The following CAMK1D variants were observed in gnomAD, a reference collection of about 807,000 sequenced individuals.
The protein encoded by CAMK1D is calcium/calmodulin-dependent protein kinase type 1D.
Under a neutral mutation model 47.7 loss-of-function variants are expected in CAMK1D, and 9 were observed. The observed-to-expected ratio is 0.19, with a 90% CI of 0.11 to 0.33. The LOEUF (loss-of-function observed/expected upper bound fraction) is 0.33. Ranked by LOEUF, CAMK1D falls within the 10% of genes least tolerant of loss-of-function variation. CAMK1D has a pLI of 1.00. For synonymous variants in CAMK1D, 184 were observed against 184.9 expected, an observed-to-expected ratio of 0.99 and a Z score of 0.04; for missense variants, 291 against 488.7, an observed-to-expected ratio of 0.60 and a Z score of 3.81.
At chr10:12,767,473 A>G (rs1410850702) in intron 4 of CAMK1D, among the ~76,000 whole-genome samples, 1 of 152,000 alleles carries the variant, frequency 6.6e-6, no homozygotes, top group African/African-American at 2.4e-5. Flanking sequence ...CACTGCGCCT[A>G]ACCAGGTCTC....
intron 8 of CAMK1D, among the ~76,000 whole-genome samples, chr10:12,816,951 G>T (rs1439805707): frequency 6.6e-6 from 1 of 151,118 alleles, no homozygotes; most frequent in Non-Finnish European, 1.5e-5. Context: ...TGGACTCACA[G>T]TTCCACGTGG....
At chr10:12,593,466 T>G (rs566788537) in intron 2 of CAMK1D, among the ~76,000 whole-genome samples, 1 of 152,254 alleles carries the variant, frequency 6.6e-6, no homozygotes, top group East Asian at 1.9e-4. Context: ...GGTGGGCACC[T>G]GTAATCCCAG....
At chr10:12,470,520 CT>C (rs11422931) in intron 1 of CAMK1D, among the ~76,000 whole-genome samples, 3 of 149,020 alleles carry the variant, frequency 2.0e-5, no homozygotes, top group East Asian at 2.0e-4. Context: ...TTTTCTTCTT[CT>C]TTTTTTTTTC....
rs1833722133 is a variant in CAMK1D, at chr10:12,470,790, T to A, written c.93-82435T>A. Reference sequence around the variant, plus strand: ...CCTCCGGCTCCCAAAGTGCTGAGATTACAGGCGTGAGCCACCTTGCCCGGT... The same window carrying A: ...CCTCCGGCTCCCAAAGTGCTGAGATAACAGGCGTGAGCCACCTTGCCCGGT... On this transcript the variant is annotated intron_variant, in intron 1 of 10. Coordinates refer to ENST00000619168, the MANE Select transcript of CAMK1D (RefSeq NM_153498.4). Among the ~76,000 whole-genome samples the A allele has an allele frequency of 2.0e-5, 3 of 152,222 alleles. No homozygotes were observed. In the South Asian group the frequency reaches 6.2e-4, roughly 32 times the overall value.
At chr10:12,636,813 A>G (rs1334193413) in intron 2 of CAMK1D, among the ~76,000 whole-genome samples, 2 of 152,108 alleles carry the variant, frequency 1.3e-5, no homozygotes, top group Non-Finnish European at 2.9e-5. Context: ...GCCTTCTGTC[A>G]GTAACTGTTT....
intron 2 of CAMK1D, among the ~76,000 whole-genome samples, chr10:12,614,875 C>T (rs867683496): frequency 1.9e-4 from 29 of 152,234 alleles, no homozygotes; most frequent in South Asian, 4.2e-4. Context: ...TAGAAACTGC[C>T]GACATGGAGT....
chr10:12,379,371 C>T (rs531678220), intron 1 of CAMK1D, among the ~76,000 whole-genome samples: 2 of 152,146 alleles, frequency 1.3e-5, no homozygotes, highest in Admixed American at 1.3e-4. Flanking sequence ...TATTTAGGGT[C>T]GTGATGAGGT....
chr10:12,729,915 T>A (rs1248518026), intron 3 of CAMK1D, among the ~76,000 whole-genome samples: 5 of 144,584 alleles, frequency 3.5e-5, no homozygotes, highest in African/African-American at 1.3e-4. Context: ...GGGGTTGAGA[T>A]GTAACAGGAG....
intron 3 of CAMK1D, among the ~76,000 whole-genome samples, chr10:12,667,238 G>A (rs1208632329): frequency 1.3e-5 from 2 of 152,222 alleles, no homozygotes; most frequent in East Asian, 3.8e-4. Context: ...TGGTAACTGT[G>A]TATACCCGTT....
chr10:12,482,681 A>G (rs913932044), intron 1 of CAMK1D, among the ~76,000 whole-genome samples: 8 of 152,148 alleles, frequency 5.3e-5, no homozygotes, highest in Admixed American at 1.3e-4. Context: ...CTACTGGGCC[A>G]GCTTGATGAA....
intron 3 of CAMK1D, among the ~76,000 whole-genome samples, chr10:12,688,424 C>T (rs1832740929): frequency 6.6e-6 from 1 of 151,968 alleles, no homozygotes; most frequent in Admixed American, 6.5e-5. Context: ...TCTCTTTAGC[C>T]TCTGGAAAAA....
At chr10:12,381,633 A>C (rs568590092) in intron 1 of CAMK1D, among the ~76,000 whole-genome samples, 62 of 152,154 alleles carry the variant, frequency 4.1e-4, no homozygotes, top group African/African-American at 1.4e-3. Context: ...GCCAATTCTC[A>C]AGTTTTTTAA....
chr10:12,750,310 C>T (rs565697796), intron 3 of CAMK1D, among the ~76,000 whole-genome samples: 1 of 151,930 alleles, frequency 6.6e-6, no homozygotes, highest in East Asian at 1.9e-4. Context: ...GTGCATATCA[C>T]TCACTCACTC....
At chr10:12,607,509 T>C (rs1291301794) in intron 2 of CAMK1D, among the ~76,000 whole-genome samples, 1 of 152,156 alleles carries the variant, frequency 6.6e-6, no homozygotes, top group East Asian at 1.9e-4. Flanking sequence ...CCTGAGCGGG[T>C]CCCGTGTCTG....
intron 2 of CAMK1D, among the ~76,000 whole-genome samples, chr10:12,639,265 C>T (rs1223041211): frequency 2.0e-5 from 3 of 152,226 alleles, no homozygotes; most frequent in Non-Finnish European, 4.4e-5. Context: ...GCGGGTGGAT[C>T]ACCGAGGTCA....
At chr10:12,746,757 G>T (rs1835700490) in intron 3 of CAMK1D, among the ~76,000 whole-genome samples, 2 of 152,216 alleles carry the variant, frequency 1.3e-5, no homozygotes, top group Non-Finnish European at 1.5e-5. Context: ...TGTGTGACGG[G>T]GGCGGGAGGT....
Position 12,795,895 on chromosome 10 carries a change from C to G in CAMK1D, c.641+4662C>G, listed in dbSNP as rs192236694. On this transcript the variant is annotated intron_variant, in intron 6 of 10. Coordinates refer to ENST00000619168, the MANE Select transcript of CAMK1D (RefSeq NM_153498.4). ...ATCTTTGCTCAAATAGCTTATGCTG[C>G]CAGGAAGGGCTGAGGACGGCGTGGG... is the stretch of plus-strand genomic sequence containing the variant. 4.0e-4 allele frequency among the ~76,000 whole-genome samples: 61 copies of G among 152,266 alleles called. No homozygotes were observed. In the East Asian group the frequency reaches 0.011, roughly 27 times the overall value.
At chr10:12,558,419 TG>T in intron 2 of CAMK1D, among the ~76,000 whole-genome samples, 1 of 152,158 alleles carries the variant, frequency 6.6e-6, no homozygotes, top group Non-Finnish European at 1.5e-5. Flanking sequence ...CTGAGCGTTG[TG>T]GCGCATACCT....
At chr10:12,356,100 C>T (rs979164320) in intron 1 of CAMK1D, among the ~76,000 whole-genome samples, 3 of 152,002 alleles carry the variant, frequency 2.0e-5, no homozygotes, top group Non-Finnish European at 4.4e-5. Flanking sequence ...CCACTGCACT[C>T]CAGCCTGGGC....
Sources: allele counts gnomAD v4.1 joint callset (sites outside exome capture counted in the v4.1 genomes callset), GRCh38; gene constraint gnomAD v4.1.1; transcripts MANE v1.5; gene names NCBI Gene and HGNC (gene_info 2026-07-23, HGNC 2026-07-21).